The following GRIK1 variants were observed in gnomAD, a reference collection of about 807,000 sequenced individuals.
The protein encoded by GRIK1 is glutamate ionotropic receptor kainate type subunit 1.
A neutral mutation model predicts 105.7 loss-of-function variants in GRIK1; 69 were observed. That is an observed-to-expected ratio of 0.65 (90% confidence interval 0.54 to 0.80). GRIK1 has a LOEUF of 0.80. GRIK1 is among the 30% of genes least tolerant of loss of function. The pLI is 0.00. For synonymous variants in GRIK1, 438 were observed against 431.3 expected (o/e 1.02, Z -0.19); for missense variants, 1,109 against 1,167.3 (o/e 0.95, Z 0.73).
chr21:29,852,772 T>G (rs1330641817), intron 1 of GRIK1, among the ~76,000 whole-genome samples: 1 of 152,222 alleles, frequency 6.6e-6, no homozygotes. Context: ...TGAGGAATAA[T>G]TTTTTCCATC....
intron 1 of GRIK1, among the ~76,000 whole-genome samples, chr21:29,921,277 T>C (rs529990283): frequency 4.4e-4 from 67 of 152,212 alleles, no homozygotes; most frequent in African/African-American, 1.5e-3. Context: ...CAAATCAATA[T>C]ATAAGTGTAA....
At position 29,593,866 on chromosome 21, in the gene GRIK1, C is replaced by T. The variant is rs185727243; in HGVS notation, c.1252-2641G>A. 3.1e-3 allele frequency among the ~76,000 whole-genome samples: 466 copies of T among 152,304 alleles called. 8 individuals are homozygous for T. Among genetic ancestry groups the T allele is most frequent in the Non-Finnish European group, 5.9e-4 (40 of 68,022 alleles). The stretch of plus-strand genomic sequence containing the variant: ...ACTTGTAGACAAATACACCCCACAG[C>T]TTGATGTCTGGTTTTTCTTTCCTTT... On this transcript the variant is annotated intron_variant, in intron 9 of 17. Transcript: ENST00000327783.
intron 7 of GRIK1, among the ~76,000 whole-genome samples, chr21:29,617,441 G>A (rs1333654029): frequency 6.6e-6 from 1 of 152,160 alleles, no homozygotes; most frequent in Non-Finnish European, 1.5e-5. Context: ...TTTGGAAACC[G>A]TGTGTAGTGG....
chr21:29,867,041 T>C (rs755080935), intron 1 of GRIK1, among the ~76,000 whole-genome samples: 3 of 152,190 alleles, frequency 2.0e-5, no homozygotes, highest in Non-Finnish European at 2.9e-5. Flanking sequence ...ATTAATAAAT[T>C]ACATACAAAA....
At chr21:29,609,610 G>T (rs996092374) in intron 7 of GRIK1, among the ~76,000 whole-genome samples, 1 of 152,186 alleles carries the variant, frequency 6.6e-6, no homozygotes, top group Admixed American at 6.5e-5. Flanking sequence ...GGTCTAAGAA[G>T]AATGAAAGGT....
At chr21:29,730,642 T>C (rs2146895420) in intron 1 of GRIK1, among the ~76,000 whole-genome samples, 1 of 152,320 alleles carries the variant, frequency 6.6e-6, no homozygotes, top group Non-Finnish European at 1.5e-5. Flanking sequence ...TAATTTCTTC[T>C]AGTTTTATTA....
chr21:29,763,848 CCTG>C (rs2065590699), intron 1 of GRIK1: 1 of 152,096 alleles, frequency 6.6e-6, no homozygotes, highest in East Asian at 1.9e-4. Context: ...AAATTTAGTT[CCTG>C]GCAGTTGCTA....
chr21:29,735,101 T>G (rs2064756048), intron 1 of GRIK1, among the ~76,000 whole-genome samples: 1 of 152,212 alleles, frequency 6.6e-6, no homozygotes, highest in South Asian at 2.1e-4. Context: ...GAACCTACCA[T>G]GTTAATTTTC....
At chr21:29,892,044 C>T (rs1421691619) in intron 1 of GRIK1, among the ~76,000 whole-genome samples, 3 of 152,112 alleles carry the variant, frequency 2.0e-5, no homozygotes, top group Non-Finnish European at 2.9e-5. Context: ...ATAATATTTC[C>T]ATCTTTATAG....
At chr21:29,682,290 C>T (rs1473489875) in intron 3 of GRIK1, among the ~76,000 whole-genome samples, 1 of 152,126 alleles carries the variant, frequency 6.6e-6, no homozygotes, top group East Asian at 1.9e-4. Flanking sequence ...TCTTTTGCAG[C>T]CTAAACATTT....
At chr21:29,791,510 G>A (rs78685568) in intron 1 of GRIK1, among the ~76,000 whole-genome samples, 2 of 150,480 alleles carry the variant, frequency 1.3e-5, no homozygotes, top group East Asian at 2.0e-4. Flanking sequence ...GAAGGGAAGT[G>A]GGGGGGGAAT....
chr21:29,665,378 A>G (rs2063039723), intron 4 of GRIK1, among the ~76,000 whole-genome samples: 1 of 152,220 alleles, frequency 6.6e-6, no homozygotes, highest in Admixed American at 6.5e-5. Context: ...AGCCTGAGAG[A>G]AACATAATTA....
intron 1 of GRIK1, among the ~76,000 whole-genome samples, chr21:29,751,572 T>G (rs1440883067): frequency 6.6e-6 from 1 of 152,162 alleles, no homozygotes. Context: ...CTTAATGATG[T>G]AGTCCTGGGC....
At chr21:29,752,995 T>A (rs558772655) in intron 1 of GRIK1, among the ~76,000 whole-genome samples, 1 of 152,194 alleles carries the variant, frequency 6.6e-6, no homozygotes, top group Non-Finnish European at 1.5e-5. Context: ...TAGTTCCTAT[T>A]TGGAGAACCT....
At chr21:29,640,107 A>AT (rs11342979) in intron 7 of GRIK1, among the ~76,000 whole-genome samples, 78 of 141,340 alleles carry the variant, frequency 5.5e-4, no homozygotes, top group Admixed American at 1.1e-3. Context: ...GCTTCTTTTC[A>AT]TTTTTTTTTT....
At chr21:29,833,235 T>C (rs1047127870) in intron 1 of GRIK1, among the ~76,000 whole-genome samples, 1 of 152,144 alleles carries the variant, frequency 6.6e-6, no homozygotes, top group African/African-American at 2.4e-5. Context: ...ATTCAACAAG[T>C]CTCTAGGAAG....
rs2229899 is a variant in GRIK1, at chr21:29,588,866, G to A, written c.1542C>T (p.Asn514=). ...YGAQNDKGEW[N]GMVKELIDHR... ...GATCTATGAGTTCTTTAACCATCCC[G>A]TTCCACTCCCCTTTGTCATTCTGGG... Residue 514 remains asparagine (N), a synonymous_variant, in exon 11 of 18, where the codon AAC becomes AAT. Transcript: ENST00000327783. The A allele has an allele frequency of 0.039, 62,755 of 1,600,350 alleles. 1,539 individuals carry two copies. Among genetic ancestry groups the A allele is most frequent in the Non-Finnish European group, 0.045 (52,472 of 1,167,510 alleles).
intron 1 of GRIK1, among the ~76,000 whole-genome samples, chr21:29,714,785 A>C (rs928966619): frequency 6.6e-6 from 1 of 151,978 alleles, no homozygotes; most frequent in African/African-American, 2.4e-5. Flanking sequence ...ATTTCCCTTG[A>C]GATTCTTTAT....
rs559340932 is a variant in GRIK1, at chr21:29,691,298, G to A, written c.287-1313C>T. Among the ~76,000 whole-genome samples, 6 of 152,288 alleles carry A rather than the reference G, an allele frequency of 3.9e-5. No homozygotes were observed. The South Asian group carries it at 8.3e-4, about 21-fold the overall frequency. ...AGAACTCCAGCTGGGGTGACAGAGC[G>A]AGACTCTGTTTCAAAAAGCAAACAA... On this transcript the variant is annotated intron_variant, in intron 2 of 17. Coordinates refer to ENST00000327783, the MANE Select transcript of GRIK1 (RefSeq NM_001330994.2).
Sources: gnomAD v4.1 joint callset for allele counts (sites outside exome capture counted in the v4.1 genomes callset) on GRCh38, gnomAD v4.1.1 for gene constraint, MANE v1.5 for transcripts, NCBI Gene and HGNC (gene_info 2026-07-23, HGNC 2026-07-21) for gene names.